Variants in FAM171A1 observed in about 807,000 individuals in gnomAD.
FAM171A1 encodes family with sequence similarity 171 member A1.
Under a neutral mutation model 74.9 loss-of-function variants are expected in FAM171A1, and 23 were observed. The ratio of observed to expected loss-of-function variants is 0.31; its 90% CI spans 0.22 to 0.44. The LOEUF is 0.44. FAM171A1 is among the 20% of genes least tolerant of loss of function. The probability of loss-of-function intolerance (pLI) is 1.00; values close to 1 mark genes in which losing one functional copy is unlikely to be tolerated. For synonymous variants in FAM171A1, 527 were observed against 505.7 expected, an observed-to-expected ratio of 1.04 and a Z score of -0.57; for missense variants, 1,162 against 1,159.2, an observed-to-expected ratio of 1.00 and a Z score of -0.03.
intron 7 of FAM171A1, among the ~76,000 whole-genome samples, chr10:15,214,917 T>C (rs1204429446): frequency 6.6e-6 from 1 of 152,074 alleles, no homozygotes; most frequent in African/African-American, 2.4e-5. Flanking sequence ...CATGCCACCA[T>C]GCCCAGCTAA....
chr10:15,373,521 G>C (rs902503205), upstream of FAM171A1, among the ~76,000 whole-genome samples: 2 of 152,118 alleles, frequency 1.3e-5, no homozygotes, highest in Non-Finnish European at 1.5e-5. Context: ...TTACCTCCAG[G>C]AGTGTCCAAA....
At chr10:15,368,763 A>G (rs9329347) in intron 1 of FAM171A1, among the ~76,000 whole-genome samples, 1,638 of 152,318 alleles carry the variant, frequency 0.011, 31 homozygotes, top group African/African-American at 0.037. Context: ...TGATCCAGGA[A>G]AGCAGAGAAC....
At chr10:15,288,486 G>A (rs1029790254) in intron 1 of FAM171A1, among the ~76,000 whole-genome samples, 8 of 152,132 alleles carry the variant, frequency 5.3e-5, no homozygotes, top group Non-Finnish European at 7.3e-5. Flanking sequence ...AACTCATGGT[G>A]CATTAATAAC....
At chr10:15,234,641 G>A (rs1028411607) in intron 5 of FAM171A1, among the ~76,000 whole-genome samples, 10 of 151,292 alleles carry the variant, frequency 6.6e-5, no homozygotes, top group Non-Finnish European at 1.0e-4. Context: ...GGAGGGGACC[G>A]ATCAGATGTA....
chr10:15,284,786 C>T (rs902472018), intron 1 of FAM171A1, among the ~76,000 whole-genome samples: 7 of 152,100 alleles, frequency 4.6e-5, no homozygotes, highest in Non-Finnish European at 1.0e-4. Context: ...TGCAAGCTGC[C>T]GTATCCTTCT....
chr10:15,224,219 AAGG>A (rs1331317951), intron 5 of FAM171A1, among the ~76,000 whole-genome samples: 3 of 152,036 alleles, frequency 2.0e-5, no homozygotes, highest in Non-Finnish European at 2.9e-5. Context: ...GGAGAAAGAG[AAGG>A]AGGACATTCT....
chr10:15,216,832 GA>G (rs5783433), intron 6 of FAM171A1, among the ~76,000 whole-genome samples: 90,221 of 134,802 alleles, frequency 0.67, 30,245 homozygotes, highest in African/African-American at 0.88. Flanking sequence ...ATATTGCAGT[GA>G]AAAAAAAAAA....
chr10:15,226,830 G>A (rs4423095), intron 5 of FAM171A1, among the ~76,000 whole-genome samples: 7 of 151,550 alleles, frequency 4.6e-5, no homozygotes, highest in Admixed American at 3.9e-4. Flanking sequence ...TCCTTATAAC[G>A]TGTTATCAGT....
At chr10:15,303,453 T>C (rs1295646444) in intron 1 of FAM171A1, among the ~76,000 whole-genome samples, 1 of 152,144 alleles carries the variant, frequency 6.6e-6, no homozygotes, top group Non-Finnish European at 1.5e-5. Flanking sequence ...TGGTTCTTAG[T>C]TCGTGTCAAA....
intron 3 of FAM171A1, among the ~76,000 whole-genome samples, chr10:15,263,090 GAGGATGGAGA>G (rs1834682590): frequency 6.6e-6 from 1 of 152,228 alleles, no homozygotes; most frequent in African/African-American, 2.4e-5. Context: ...GAGCCAAGCA[GAGGATGGAGA>G]CCACTGACCT....
chr10:15,215,510 C>T (rs777936408), intron 7 of FAM171A1, among the ~76,000 whole-genome samples: 53 of 152,092 alleles, frequency 3.5e-4, no homozygotes, highest in Non-Finnish European at 6.9e-4. Context: ...GGATTATAGG[C>T]GTGTGCCACC....
chr10:15,246,723 A>T (rs1250526057), intron 5 of FAM171A1, among the ~76,000 whole-genome samples: 1 of 152,188 alleles, frequency 6.6e-6, no homozygotes, highest in Non-Finnish European at 1.5e-5. Context: ...GGGTTTCACC[A>T]TGTTGGCCAG....
At chr10:15,355,456 G>A (rs1368105142) in intron 1 of FAM171A1, among the ~76,000 whole-genome samples, 2 of 152,084 alleles carry the variant, frequency 1.3e-5, no homozygotes, top group African/African-American at 2.4e-5. Flanking sequence ...GGTGGTTCAC[G>A]CCTGTAATCC....
intron 6 of FAM171A1, among the ~76,000 whole-genome samples, chr10:15,219,571 A>G (rs1411627253): frequency 2.0e-5 from 3 of 152,096 alleles, no homozygotes; most frequent in Non-Finnish European, 4.4e-5. Flanking sequence ...GCATCAAGGG[A>G]AACACATTAA....
At chr10:15,284,347 T>C (rs1371182134) in intron 1 of FAM171A1, among the ~76,000 whole-genome samples, 1 of 152,192 alleles carries the variant, frequency 6.6e-6, no homozygotes, top group Non-Finnish European at 1.5e-5. Flanking sequence ...TACTACTGCC[T>C]GCTCAAATCA....
chr10:15,248,619 G>C lies in FAM171A1; in HGVS notation c.754+20C>G. 1 of 1,568,642 alleles carries C rather than the reference G, an allele frequency of 6.4e-7. No individual in the cohort carries two copies. The highest frequency in any genetic ancestry group is 2.3e-5 in the East Asian group (1 of 43,530). On this transcript the variant is annotated intron_variant, in intron 5 of 7. Transcript: ENST00000378116. Reference sequence around the variant, plus strand: ...CGAAGCCATCTGGTAGCCGATTGTCGGCACAGAACTCTTGCTTACCCAGCT... The same window carrying C: ...CGAAGCCATCTGGTAGCCGATTGTCCGCACAGAACTCTTGCTTACCCAGCT...
rs1429596702 is a variant in FAM171A1 at position 15,245,060 on chromosome 10, T to C, written c.754+3579A>G. Among the ~76,000 whole-genome samples, 9 of 152,046 alleles carry C rather than the reference T, an allele frequency of 5.9e-5. 1 individual carries two copies. Among genetic ancestry groups the C allele is most frequent in the Non-Finnish European group, 1.5e-5 (1 of 68,002 alleles). On this transcript the variant is annotated intron_variant, in intron 5 of 7. Transcript: ENST00000378116. Reference sequence around the variant, plus strand: ...CAGCCAGTTGACTTTGCTTTTTTTTTTCTTATTTATTTATTTATTTTTTGA... The same window carrying C: ...CAGCCAGTTGACTTTGCTTTTTTTTCTCTTATTTATTTATTTATTTTTTGA...
chr10:15,267,130 C>T (rs1322994618), intron 3 of FAM171A1, among the ~76,000 whole-genome samples: 1 of 152,110 alleles, frequency 6.6e-6, no homozygotes, highest in East Asian at 1.9e-4. Flanking sequence ...GACGTGTACC[C>T]CACAGGGGGG....
At chr10:15,302,171 A>T (rs1382594068) in intron 1 of FAM171A1, among the ~76,000 whole-genome samples, 3 of 152,110 alleles carry the variant, frequency 2.0e-5, no homozygotes, top group South Asian at 2.1e-4. Context: ...TTAGTTTAAC[A>T]TGTTGTTCTT....
Sources: gnomAD v4.1 joint callset for allele counts (sites outside exome capture counted in the v4.1 genomes callset) on GRCh38, gnomAD v4.1.1 for gene constraint, MANE v1.5 for transcripts, NCBI Gene and HGNC (gene_info 2026-07-23, HGNC 2026-07-21) for gene names.